Variants in ERGIC1 observed in about 807,000 individuals in gnomAD.
ERGIC1 encodes the protein endoplasmic reticulum-golgi intermediate compartment 1.
ERGIC1 carries 19 observed loss-of-function variants against 38.3 expected under a neutral mutation model. The ratio of observed to expected loss-of-function variants is 0.50; its 90% confidence interval spans 0.35 to 0.73. The LOEUF is 0.73. ERGIC1 is among the 30% of genes least tolerant of loss of function. ERGIC1 has a pLI of 0.01. For synonymous variants in ERGIC1, 124 were observed against 157.6 expected, an observed-to-expected ratio of 0.79 and a Z score of 1.60; for missense variants, 294 against 389.2, an observed-to-expected ratio of 0.76 and a Z score of 2.06.
chr5:172,931,848 G>C (rs890071635), intron 7 of ERGIC1, among the ~76,000 whole-genome samples: 1 of 135,144 alleles, frequency 7.4e-6, no homozygotes, highest in Non-Finnish European at 1.6e-5. Context: ...GCTGCTCCTA[G>C]CACCCACACT....
intron 8 of ERGIC1, 128 bp downstream of exon 8, chr5:172,932,664 A>G (rs1385644046): frequency 1.6e-5 from 14 of 892,850 alleles, no homozygotes; most frequent in Non-Finnish European, 1.7e-5. Context: ...CCTGGGGGTT[A>G]GCTTGGGCCA....
chr5:172,836,746 G>A (rs1431020745), intron 1 of ERGIC1, among the ~76,000 whole-genome samples: 1 of 152,236 alleles, frequency 6.6e-6, no homozygotes, highest in Admixed American at 6.5e-5. Flanking sequence ...AGAGAAGGGA[G>A]GAGGGCTTAT....
chr5:172,879,515 T>G (rs1762229570), intron 1 of ERGIC1, among the ~76,000 whole-genome samples: 1 of 152,260 alleles, frequency 6.6e-6, no homozygotes, highest in African/African-American at 2.4e-5. Flanking sequence ...GCCCTTACAG[T>G]AAGTCACAAA....
In ERGIC1 at chr5:172,926,725, AGG is replaced by A; in HGVS notation, c.541+157_541+158del. On this transcript the variant is annotated intron_variant, in intron 7 of 9. Coordinates refer to ENST00000393784, the MANE Select transcript of ERGIC1 (RefSeq NM_001031711.3). This position sits in a 1 kb window ranked among gnomAD's most constrained non-coding sequence, Gnocchi z 5.2. Reference sequence around the variant, plus strand: ...CCATTCCCACAGCTAACCAGTGGGAAGGTGGACCCAGCCCCGTCCAGACCCAG... The same window carrying A: ...CCATTCCCACAGCTAACCAGTGGGAATGGACCCAGCCCCGTCCAGACCCAG... 1.3e-6 allele frequency: 1 copy of A among 785,984 alleles called. No homozygotes were observed. Among genetic ancestry groups the A allele is most frequent in the Non-Finnish European group, 2.1e-6 (1 of 482,532 alleles). The allele number at this position is 785,984 out of a possible 1,614,324, so 48.7% of individuals were successfully genotyped here.
chr5:172,930,184 T>G (rs1763745232), intron 7 of ERGIC1, among the ~76,000 whole-genome samples: 1 of 127,542 alleles, frequency 7.8e-6, no homozygotes. Context: ...TGAAACTCCG[T>G]TTCAAAAAAA....
At chr5:172,946,582 TC>T (rs1561747216) in intron 9 of ERGIC1, among the ~76,000 whole-genome samples, 2 of 152,172 alleles carry the variant, frequency 1.3e-5, no homozygotes, top group African/African-American at 2.4e-5. Flanking sequence ...CTCCCCATGT[TC>T]CAGAAGGTAT....
chr5:172,895,305 C>T lies in ERGIC1; in HGVS notation c.83-1697C>T, dbSNP rs114054505. ...TCAGAGAAGCCCTATAAGGCAGGTA[C>T]TACCATTGCTGCCATTTACAGGTGA... On this transcript the variant is annotated intron_variant, in intron 2 of 9. Coordinates refer to ENST00000393784, the MANE Select transcript of ERGIC1 (RefSeq NM_001031711.3). 3.7e-3 allele frequency among the ~76,000 whole-genome samples: 569 copies of T among 152,298 alleles called. 1 individual carries two copies. Among genetic ancestry groups the T allele is most frequent in the African/African-American group, 0.013 (542 of 41,554 alleles).
chr5:172,891,350 T>A (rs1762553700), intron 2 of ERGIC1, among the ~76,000 whole-genome samples: 1 of 152,128 alleles, frequency 6.6e-6, no homozygotes, highest in South Asian at 2.1e-4. Flanking sequence ...TCCATCCTCT[T>A]CCCTCTTCTC....
chr5:172,837,582 GA>G lies in ERGIC1; in HGVS notation c.20+3151del, dbSNP rs891772248. On this transcript the variant is annotated intron_variant, in intron 1 of 9. Coordinates refer to ENST00000393784, the MANE Select transcript of ERGIC1 (RefSeq NM_001031711.3). This position sits in a 1 kb window ranked among gnomAD's most constrained non-coding sequence, Gnocchi z 4.3. ...GAGATGCCTCTTGAAATCTGTCAAG[GA>G]AGCCATAGACATGACGTGACTTGAT... is the stretch of plus-strand genomic sequence containing the variant. 7.2e-5 allele frequency among the ~76,000 whole-genome samples: 11 copies of G among 152,296 alleles called. No homozygotes were observed. Among genetic ancestry groups the G allele is most frequent in the South Asian group, 2.1e-4 (1 of 4,826 alleles).
chr5:172,930,959 C>T (rs1763764289), intron 7 of ERGIC1: 1 of 152,150 alleles, frequency 6.6e-6, no homozygotes. Flanking sequence ...GGACTTTTCT[C>T]GGGTTTTCAG....
At chr5:172,871,528 A>G (rs1487488131) in intron 1 of ERGIC1, among the ~76,000 whole-genome samples, 1 of 152,224 alleles carries the variant, frequency 6.6e-6, no homozygotes, top group African/African-American at 2.4e-5. Context: ...ACTGACATAT[A>G]TGAGTTCATT....
chr5:172,854,509 G>A (rs1039396623), intron 1 of ERGIC1, among the ~76,000 whole-genome samples: 6 of 152,268 alleles, frequency 3.9e-5, no homozygotes, highest in East Asian at 1.9e-4. Context: ...CCACGTCTGC[G>A]TGGCTCTTCT....
chr5:172,883,744 G>A (rs1762342151), intron 1 of ERGIC1, among the ~76,000 whole-genome samples: 1 of 152,220 alleles, frequency 6.6e-6, no homozygotes, highest in Non-Finnish European at 1.5e-5. Flanking sequence ...TACTTTGGGA[G>A]GCCGAGGCGG....
intron 6 of ERGIC1, among the ~76,000 whole-genome samples, chr5:172,925,597 G>A (rs4868230): frequency 0.17 from 25,586 of 152,044 alleles, 3,014 homozygotes; most frequent in East Asian, 0.5. Context: ...GTACCTCTCC[G>A]ATGTCTCCTC....
intron 1 of ERGIC1, among the ~76,000 whole-genome samples, chr5:172,871,254 G>A (rs760717024): frequency 1.6e-4 from 25 of 152,140 alleles, no homozygotes; most frequent in Non-Finnish European, 3.4e-4. Context: ...CGAGACCTCT[G>A]ACCTCACTGG....
At chr5:172,896,172 G>A (rs567549396) in intron 2 of ERGIC1, among the ~76,000 whole-genome samples, 6 of 151,946 alleles carry the variant, frequency 3.9e-5, no homozygotes, top group East Asian at 3.9e-4. Flanking sequence ...GTGAAACCCC[G>A]TCTCTACTAA....
intron 1 of ERGIC1, chr5:172,867,521 C>T (rs553269080): frequency 2.9e-5 from 13 of 445,372 alleles, no homozygotes; most frequent in African/African-American, 2.4e-4. Context: ...TCATTTGACA[C>T]CAAGAAGACA....
At chr5:172,865,250 T>G (rs1761825533) in intron 1 of ERGIC1, among the ~76,000 whole-genome samples, 2 of 152,222 alleles carry the variant, frequency 1.3e-5, no homozygotes, top group South Asian at 4.1e-4. Context: ...GAGACTGGGT[T>G]TCACCATGTT....
rs1196360414 is a variant in ERGIC1 at position 172,834,636 on chromosome 5, C to T, written c.20+203C>T. Among the ~76,000 whole-genome samples, 2 of 145,850 alleles carry T rather than the reference C, an allele frequency of 1.4e-5. No individual in the cohort carries two copies. Among genetic ancestry groups the T allele is most frequent in the African/African-American group, 5.0e-5 (2 of 40,232 alleles). On this transcript the variant is annotated intron_variant, in intron 1 of 9. Transcript: ENST00000393784. This position sits in a 1 kb window ranked among gnomAD's most constrained non-coding sequence, Gnocchi z 4.1. ...GAGCCGCGGAGGCCCCCTCGTGCAG[C>T]GGGAGACAAATCCACCCACCTTCCC...
Sources: gnomAD v4.1 joint callset for allele counts (sites outside exome capture counted in the v4.1 genomes callset) on GRCh38, gnomAD v4.1.1 for gene constraint, Gnocchi (gnomAD v3.1) non-coding constraint, MANE v1.5 for transcripts, NCBI Gene and HGNC (gene_info 2026-07-23, HGNC 2026-07-21) for gene names.